Variants in AFMID observed in about 807,000 individuals in gnomAD.
AFMID encodes the protein arylformamidase, also known as kynurenine formamidase.
A neutral mutation model predicts 47.5 loss-of-function variants in AFMID; 39 were observed. The ratio of observed to expected loss-of-function variants is 0.82; its 90% CI spans 0.64 to 1.07. AFMID has a LOEUF of 1.07. Ranked by LOEUF, AFMID falls within the 50% of genes least tolerant of loss-of-function variation. AFMID has a pLI of 0.00. For missense variants in AFMID, 375 were observed against 387.5 expected (o/e 0.97, Z 0.27); for synonymous variants, 130 against 153.2 (o/e 0.85, Z 1.12).
chr17:78,189,366 G>A (rs1323199373), intron 1 of AFMID, among the ~76,000 whole-genome samples: 2 of 151,510 alleles, frequency 1.3e-5, no homozygotes, highest in African/African-American at 2.4e-5. Context: ...GAGATTACGG[G>A]CGCCCGCCAC....
chr17:78,204,779 G>A lies in AFMID; in HGVS notation c.394+38G>A, dbSNP rs776745667. ...GTTGCTGCAGGTCCGAGGGCCGGTG[G>A]GCTTTAGGAGGAAGTGCATCCCTGA... On this transcript the variant is annotated intron_variant, in intron 5 of 10. Coordinates refer to ENST00000409257, the MANE Select transcript of AFMID (RefSeq NM_001010982.5). 24 of 1,614,178 alleles carry A rather than the reference G, an allele frequency of 1.5e-5. No individual in the cohort carries two copies. The South Asian group carries it at 2.4e-4, about 16-fold the overall frequency.
intron 2 of AFMID, among the ~76,000 whole-genome samples, chr17:78,201,544 G>A (rs1187582014): frequency 2.0e-5 from 3 of 151,992 alleles, no homozygotes; most frequent in Non-Finnish European, 4.4e-5. Context: ...GCTTGGCGCC[G>A]GGAGTTTGAG....
At chr17:78,206,872 C>G (rs562153176) in intron 10 of AFMID, 39 bp from the exon 11 acceptor site, 2 of 1,612,138 alleles carry the variant, frequency 1.2e-6, no homozygotes, top group East Asian at 2.2e-5. Flanking sequence ...AAGAGCTGCT[C>G]TGATTCTGGG....
intron 2 of AFMID, among the ~76,000 whole-genome samples, chr17:78,195,749 G>A (rs1399529449): frequency 1.3e-5 from 2 of 150,820 alleles, no homozygotes; most frequent in Non-Finnish European, 3.0e-5. Context: ...TCATCTGCCC[G>A]CCTCCCAAAG....
chr17:78,189,830 GTTTTTTTTTT>G (rs770053983), intron 1 of AFMID, among the ~76,000 whole-genome samples: 1 of 109,446 alleles, frequency 9.1e-6, no homozygotes, highest in Non-Finnish European at 1.9e-5. Flanking sequence ...TTTTCTGTTG[GTTTTTTTTTT>G]TTTTTTTTTG....
intron 2 of AFMID, chr17:78,192,786 G>A (rs1214740180): frequency 5.2e-6 from 2 of 384,562 alleles, no homozygotes; most frequent in Middle Eastern, 3.6e-4. Context: ...GGAAGTGTAG[G>A]TGAGGACGCA....
Position 78,204,885 on chromosome 17 carries a change from G to T in AFMID, c.452G>T (p.Arg151Leu), listed in dbSNP as rs1008777397. 2 of 1,614,026 alleles carry T rather than the reference G, an allele frequency of 1.2e-6. No individual in the cohort carries two copies. The highest frequency in any genetic ancestry group is 3.3e-5 in the Admixed American group (2 of 59,984). The change falls in exon 6 of 11, where the codon CGG becomes CTG. Residue 151 changes from arginine (R) to leucine (L), a missense_variant. Physicochemically the swap from Arg to Leu is moderately radical, Grantham distance 102 (BLOSUM62 -2). Transcript: ENST00000409257. ...CGCAGCGTTGCGTTTGTCCAGAAGC[G>T]GTATCCAAGCAACAAGTGGGTGTTG... ...VTRSVAFVQK[R>L]YPSNKGIYLC...
Position 78,207,110 on chromosome 17 carries a change from C to A in AFMID, c.*173C>A. On this transcript the variant is annotated 3_prime_UTR_variant, in exon 11 of 11. Transcript: ENST00000409257. ...TCACTGCTGGGACACTCATGAAAAT[C>A]TCCACGTCCTCCCTCTTCCCAGCCT... The A allele has an allele frequency of 1.4e-6, 1 of 698,988 alleles. No homozygotes were observed. The highest frequency in any genetic ancestry group is 2.5e-6 in the Non-Finnish European group (1 of 402,556). 43.3% of individuals were successfully genotyped at this position (698,988 alleles called of 1,614,324 possible).
chr17:78,195,161 GGAGT>G (rs1567846179), intron 2 of AFMID, among the ~76,000 whole-genome samples: 2 of 151,840 alleles, frequency 1.3e-5, no homozygotes, highest in African/African-American at 4.8e-5. Context: ...GGAGGAATGG[GGAGT>G]GAGTGTTTAA....
In AFMID at chr17:78,192,973, G is replaced by C. The variant is rs549658818; in HGVS notation, c.154+1913G>C. On this transcript the variant is annotated intron_variant, in intron 2 of 10. Coordinates refer to ENST00000409257, the MANE Select transcript of AFMID (RefSeq NM_001010982.5). Reference sequence around the variant, plus strand: ...ACCATCCTCCTGTCTCAATAGATTGGGGGGGAGCTGTTTCCTGGGCTCTTC... The same window carrying C: ...ACCATCCTCCTGTCTCAATAGATTGCGGGGGAGCTGTTTCCTGGGCTCTTC... 1.3e-4 allele frequency among the ~76,000 whole-genome samples: 20 copies of C among 152,216 alleles called. No individual in the cohort carries two copies. In the South Asian group the frequency reaches 1.5e-3, roughly 11 times the overall value.
intron 2 of AFMID, among the ~76,000 whole-genome samples, chr17:78,195,831 T>C (rs2076098265): frequency 6.6e-6 from 1 of 151,840 alleles, no homozygotes; most frequent in South Asian, 2.1e-4. Flanking sequence ...CACAGCATTA[T>C]AAATTATTAT....
intron 1 of AFMID, among the ~76,000 whole-genome samples, chr17:78,190,207 T>C (rs1303379216): frequency 6.6e-6 from 1 of 151,716 alleles, no homozygotes; most frequent in Non-Finnish European, 1.5e-5. Context: ...AGTGTGAAGG[T>C]GTTAGCCCGA....
intron 1 of AFMID, among the ~76,000 whole-genome samples, chr17:78,187,777 C>T (rs1258770483): frequency 6.6e-6 from 1 of 151,794 alleles, no homozygotes; most frequent in Non-Finnish European, 1.5e-5. Context: ...CATGGTGAAA[C>T]CCCGTTTCTA....
At chr17:78,189,362 A>G (rs1452094857) in intron 1 of AFMID, among the ~76,000 whole-genome samples, 1 of 150,782 alleles carries the variant, frequency 6.6e-6, no homozygotes, top group Admixed American at 6.6e-5. Context: ...AGCTGAGATT[A>G]CGGGCGCCCG....
intron 7 of AFMID, 117 bp downstream of exon 7, chr17:78,205,307 G>A: frequency 7.0e-7 from 1 of 1,420,590 alleles, no homozygotes; most frequent in Middle Eastern, 1.9e-4. Context: ...AGGGCTTCGA[G>A]CCCTCTGAGC....
rs1219931444 is a variant in AFMID, at chr17:78,204,879, A to G, written c.446A>G (p.Gln149Arg). 1 of 1,614,118 alleles carries G rather than the reference A, an allele frequency of 6.2e-7. No homozygotes were observed. The highest frequency in any genetic ancestry group is 8.5e-7 in the Non-Finnish European group (1 of 1,180,056). ...DQVTRSVAFV[Q>R]KRYPSNKGIY... is the part of the protein sequence containing the mutation. ...GTGACCCGCAGCGTTGCGTTTGTCC[A>G]GAAGCGGTATCCAAGCAACAAGTGG... is the stretch of plus-strand genomic sequence containing the variant. Residue 149 changes from glutamine (Q) to arginine (R), a missense_variant, in exon 6 of 11, where the codon CAG becomes CGG. Physicochemically the swap from Gln to Arg is conservative, Grantham distance 43. Transcript: ENST00000409257.
In AFMID at chr17:78,205,743, T is replaced by C. The variant is rs2076363197; in HGVS notation, c.780+5T>C. 6.2e-7 allele frequency: 1 copy of C among 1,608,370 alleles called. No individual in the cohort carries two copies. Among genetic ancestry groups the C allele is most frequent in the Admixed American group, 1.7e-5 (1 of 59,998 alleles). On this transcript the variant is annotated splice_donor_5th_base_variant and intron_variant, in intron 9 of 10. Transcript: ENST00000409257. ...CAGTCCTGGGAGTTTTACCAGGTACTCCCAGTGCAGGTTTGTGGCCAGAGG... is the reference window on the plus strand; with the variant it reads ...CAGTCCTGGGAGTTTTACCAGGTACCCCCAGTGCAGGTTTGTGGCCAGAGG...
chr17:78,191,124 T>C lies in AFMID; in HGVS notation c.154+64T>C, dbSNP rs2075956818. 2.1e-6 allele frequency: 3 copies of C among 1,438,108 alleles called. No homozygotes were observed. The East Asian group carries it at 7.0e-5, about 33-fold the overall frequency. The allele number at this position is 1,438,108 out of a possible 1,614,324, so 89.1% of individuals were successfully genotyped here. On this transcript the variant is annotated intron_variant, in intron 2 of 10. Transcript: ENST00000409257. ...TTAAGCATGTGGCAGTGATTCAGAA[T>C]GCTGGGGGTTGGGGGGGCTGTGCTG...
Position 78,190,939 on chromosome 17 carries a change from T to C in AFMID, c.64-31T>C, listed in dbSNP as rs114472552. ...GGGCACACTCTGTTGAGAAGGAAAG[T>C]CTTACGGAGCCTCATGTTTGTGCCC... On this transcript the variant is annotated intron_variant, in intron 1 of 10. Transcript: ENST00000409257. The C allele has an allele frequency of 1.1e-3, 1,764 of 1,604,288 alleles. 20 individuals carry two copies. The African/African-American group carries it at 0.021, about 19-fold the overall frequency.
Sources: allele counts gnomAD v4.1 joint callset (sites outside exome capture counted in the v4.1 genomes callset), GRCh38; gene constraint gnomAD v4.1.1; transcripts MANE v1.5; gene names NCBI Gene and HGNC (gene_info 2026-07-23, HGNC 2026-07-21).